Variants in NOP14 observed in about 807,000 individuals in gnomAD.
NOP14 encodes nucleolar protein 14.
NOP14 carries 57 observed loss-of-function variants against 101.6 expected under a neutral mutation model. The ratio of observed to expected loss-of-function variants is 0.56; its 90% confidence interval spans 0.45 to 0.70. The LOEUF (loss-of-function observed/expected upper bound fraction) is 0.70. Ranked by LOEUF, NOP14 falls within the 30% of genes least tolerant of loss-of-function variation. The probability of loss-of-function intolerance (pLI) is 0.00; values close to 1 mark genes in which losing one functional copy is unlikely to be tolerated. For missense variants in NOP14, 1,134 were observed against 1,075.5 expected (o/e 1.05, Z -0.76); for synonymous variants, 428 against 424.0 (o/e 1.01, Z -0.12).
intron 4 of NOP14, among the ~76,000 whole-genome samples, chr4:2,954,157 C>T (rs752776081): frequency 6.6e-6 from 1 of 152,124 alleles, no homozygotes; most frequent in Non-Finnish European, 1.5e-5. Flanking sequence ...GAGCTTTGAT[C>T]GTGCCACTGT....
intron 10 of NOP14, 90 bp downstream of exon 10, chr4:2,947,436 T>C: frequency 1.1e-6 from 1 of 917,380 alleles, no homozygotes. Flanking sequence ...CCTACCTTAG[T>C]AACTCTGGAA....
intron 11 of NOP14, 119 bp downstream of exon 11, chr4:2,946,293 C>G (rs1298990308): frequency 8.9e-6 from 11 of 1,233,260 alleles, no homozygotes; most frequent in Non-Finnish European, 1.3e-5. Flanking sequence ...GTGCAGCTCA[C>G]TCCACATCAC....
chr4:2,962,650 C>T (rs1165274519), intron 1 of NOP14, among the ~76,000 whole-genome samples: 2 of 151,098 alleles, frequency 1.3e-5, no homozygotes, highest in Admixed American at 6.6e-5. Context: ...GTATGTTCCT[C>T]AGTGAAAATT....
chr4:2,962,647 C>A lies in NOP14; in HGVS notation c.195+478G>T, dbSNP rs571360635. 2.6e-5 allele frequency among the ~76,000 whole-genome samples: 4 copies of A among 151,730 alleles called. No homozygotes were observed. The East Asian group carries it at 5.8e-4, about 22-fold the overall frequency. On this transcript the variant is annotated intron_variant, in intron 1 of 17. Transcript: ENST00000416614. The stretch of plus-strand genomic sequence containing the variant: ...TTTCACCAACCTGCTAATGTATGTT[C>A]CTCAGTGAAAATTTAAAAAAAAAAA...
intron 9 of NOP14, 67 bp from the exon 10 acceptor site, chr4:2,947,678 A>G: frequency 7.7e-7 from 1 of 1,290,456 alleles, no homozygotes; most frequent in Non-Finnish European, 1.1e-6. Context: ...ACAGGCACAC[A>G]GCTTCTGGAT....
chr4:2,939,595 G>C lies in NOP14; in HGVS notation c.2250C>G (p.Cys750Trp). 2 of 1,613,934 alleles carry C rather than the reference G, an allele frequency of 1.2e-6. No individual in the cohort carries two copies. The highest frequency in any genetic ancestry group is 1.7e-6 in the Non-Finnish European group (2 of 1,180,028). The stretch of plus-strand genomic sequence containing the variant: ...TGCTCTTCTCACAGGTCAGCGGCCG[G>C]CAGAGCTGCTTCTGGCTTTCCATTT... ...LTEMESQKQLCRPLTCEKSKP... is the reference protein window; with the variant it reads ...LTEMESQKQLWRPLTCEKSKP... Residue 750 changes from cysteine to tryptophan, a missense_variant, in exon 16 of 18, where the codon TGC (cysteine) becomes TGG (tryptophan). By Grantham distance (215) the Cys-to-Trp change is radical. Transcript: ENST00000416614.
intron 1 of NOP14, among the ~76,000 whole-genome samples, chr4:2,959,585 T>G (rs1465920664): frequency 2.1e-5 from 1 of 47,514 alleles, no homozygotes; most frequent in African/African-American, 1.5e-4. Context: ...AGACAAAGAC[T>G]CTGTCTCAAA....
intron 2 of NOP14, among the ~76,000 whole-genome samples, 178 bp downstream of exon 2, chr4:2,957,428 T>G (rs536510531): frequency 2.6e-5 from 4 of 152,338 alleles, no homozygotes; most frequent in African/African-American, 9.6e-5. Flanking sequence ...CAGCTAACAT[T>G]TGCAGAAGAG....
At chr4:2,944,840 C>T (rs543254298) in intron 12 of NOP14, among the ~76,000 whole-genome samples, 10 of 152,332 alleles carry the variant, frequency 6.6e-5, no homozygotes, top group African/African-American at 2.2e-4. Context: ...GGAACAAAAG[C>T]CCTTATCATC....
At chr4:2,945,952 C>G (rs1248977714) in intron 11 of NOP14, among the ~76,000 whole-genome samples, 2 of 138,424 alleles carry the variant, frequency 1.4e-5, no homozygotes, top group South Asian at 2.5e-4. Context: ...TGCACTCTCA[C>G]TCCAGATCAC....
In NOP14 at chr4:2,963,231, T is replaced by C. The variant is rs748092379; in HGVS notation, c.89A>G (p.Asn30Ser). Residue 30 changes from asparagine to serine, a missense_variant, in exon 1 of 18, where the codon AAT becomes AGT. By Grantham distance (46) the Asn-to-Ser change is conservative. Transcript: ENST00000416614. ...ARGGPAKANSNPFEVKVNRQK... is the reference protein window; with the variant it reads ...ARGGPAKANSSPFEVKVNRQK... ...CCTGTTAACTTTCACCTCGAACGGA[T>C]TGGAGTTGGCCTTCGCCGGGCCCCC... The C allele has an allele frequency of 1.3e-5, 21 of 1,588,854 alleles. No individual in the cohort carries two copies. The highest frequency in any genetic ancestry group is 3.6e-5 in the Admixed American group (2 of 56,338).
At chr4:2,944,466 G>A (rs1714460576) in intron 12 of NOP14, among the ~76,000 whole-genome samples, 1 of 152,148 alleles carries the variant, frequency 6.6e-6, no homozygotes, top group Non-Finnish European at 1.5e-5. Context: ...GAGTGCAATG[G>A]CACAATCTCG....
intron 14 of NOP14, chr4:2,941,970 G>C (rs1053547602): frequency 3.1e-6 from 2 of 636,544 alleles, no homozygotes; most frequent in African/African-American, 3.7e-5. Context: ...CTCCATTTTT[G>C]GTTCCAAATT....
At position 2,960,729 on chromosome 4, in the gene NOP14, TTAA is replaced by T. The variant is rs1159642961; in HGVS notation, c.195+2393_195+2395del. Among the ~76,000 whole-genome samples the T allele has an allele frequency of 3.8e-5, 3 of 79,562 alleles. No individual in the cohort carries two copies. The East Asian group carries it at 7.4e-4, about 20-fold the overall frequency. 52.2% of individuals were successfully genotyped at this position (79,562 alleles called of 152,430 possible). The stretch of plus-strand genomic sequence containing the variant: ...TTAATATATTAATATTATAATCACA[TTAA>T]TATTAATATATTAATATTATAATCA... On this transcript the variant is annotated intron_variant, in intron 1 of 17. Transcript: ENST00000416614.
chr4:2,961,063 TTATATTAATAC>T (rs1715807915), intron 1 of NOP14, among the ~76,000 whole-genome samples: 1 of 116,712 alleles, frequency 8.6e-6, no homozygotes, highest in Non-Finnish European at 1.6e-5. Context: ...TACATCAATA[TTATATTAATAC>T]TATATTAATA....
intron 11 of NOP14, 76 bp downstream of exon 11, chr4:2,946,336 T>A: frequency 6.4e-7 from 1 of 1,551,006 alleles, no homozygotes; most frequent in East Asian, 2.2e-5. Flanking sequence ...AAGAGCATCG[T>A]ACCCGTCGTC....
At chr4:2,945,750 C>T (rs1288646209) in intron 11 of NOP14, among the ~76,000 whole-genome samples, 1 of 152,240 alleles carries the variant, frequency 6.6e-6, no homozygotes, top group Admixed American at 6.5e-5. Flanking sequence ...GGCTTGGGCC[C>T]TTAAGGACAA....
chr4:2,962,521 T>G (rs932654541), intron 1 of NOP14, among the ~76,000 whole-genome samples: 2 of 152,056 alleles, frequency 1.3e-5, no homozygotes, highest in African/African-American at 2.4e-5. Context: ...GCGCTCGGGG[T>G]AGCAAGAAGG....
intron 1 of NOP14, among the ~76,000 whole-genome samples, chr4:2,960,749 T>TTATAATCACATTAATATATTAA (rs1715713454): frequency 1.2e-5 from 1 of 82,482 alleles, no homozygotes; most frequent in East Asian, 2.2e-4. Flanking sequence ...TATATTAATA[T>TTATAATCACATTAATATATTAA]TATAATCACA....
Sources: gnomAD v4.1 joint callset for allele counts (sites outside exome capture counted in the v4.1 genomes callset) on GRCh38, gnomAD v4.1.1 for gene constraint, MANE v1.5 for transcripts, NCBI Gene and HGNC (gene_info 2026-07-23, HGNC 2026-07-21) for gene names.